ANKRD54: variants seen among roughly 807,000 people sequenced by gnomAD.
ANKRD54 encodes ankyrin repeat domain 54, also known as ankyrin repeat domain-containing protein 54.
A neutral mutation model predicts 36.2 loss-of-function variants in ANKRD54; 26 were observed. That is an observed-to-expected ratio of 0.72 (90% CI 0.53 to 1.00). The LOEUF (loss-of-function observed/expected upper bound fraction) is 1.00, where lower values mean the gene tolerates loss of function less well. ANKRD54 is among the 50% of genes least tolerant of loss of function. ANKRD54 has a pLI of 0.00. For missense variants in ANKRD54, 384 were observed against 424.3 expected, an observed-to-expected ratio of 0.91 and a Z score of 0.83; for synonymous variants, 209 against 188.4, an observed-to-expected ratio of 1.11 and a Z score of -0.89.
chr22:37,835,471 TA>T (rs1193762809), intron 3 of ANKRD54, among the ~76,000 whole-genome samples: 1 of 152,226 alleles, frequency 6.6e-6, no homozygotes, highest in Non-Finnish European at 1.5e-5. Flanking sequence ...TTATATTTGA[TA>T]AATGATTTCT....
At chr22:37,835,043 A>T (rs964758354) in intron 3 of ANKRD54, among the ~76,000 whole-genome samples, 5 of 151,766 alleles carry the variant, frequency 3.3e-5, no homozygotes, top group Admixed American at 6.6e-5. Flanking sequence ...TGGGTGACAG[A>T]GCGAGACTCT....
chr22:37,840,601 A>G (rs1468933672), intron 1 of ANKRD54, among the ~76,000 whole-genome samples: 1 of 149,932 alleles, frequency 6.7e-6, no homozygotes, highest in East Asian at 2.0e-4. Flanking sequence ...AAACACAGCC[A>G]TTGGCTGGGC....
At chr22:37,841,184 G>A (rs945619398) in intron 1 of ANKRD54, among the ~76,000 whole-genome samples, 1 of 151,702 alleles carries the variant, frequency 6.6e-6, no homozygotes, top group Non-Finnish European at 1.5e-5. Flanking sequence ...TTGAGGCCAG[G>A]AGTTCAAGAC....
chr22:37,844,333 C>A lies in ANKRD54; in HGVS notation c.-95G>T, dbSNP rs756196998. 2.1e-6 allele frequency: 3 copies of A among 1,411,814 alleles called. No homozygotes were observed. Among genetic ancestry groups the A allele is most frequent in the East Asian group, 5.4e-5 (2 of 37,046 alleles). The allele number at this position is 1,411,814 out of a possible 1,614,324, so 87.5% of individuals were successfully genotyped here. A position where few individuals can be genotyped will look rare whatever the true frequency, so the allele number is the denominator to read the frequency against. On this transcript the variant is annotated 5_prime_UTR_variant, in exon 1 of 8. Transcript: ENST00000215941. ...CGCCCTGAGTCGTGCTGTCAGCGAGCTGGCGGGCGGGCAGGGCCCGCAACC... is the reference window on the plus strand; with the variant it reads ...CGCCCTGAGTCGTGCTGTCAGCGAGATGGCGGGCGGGCAGGGCCCGCAACC...
chr22:37,836,636 A>G (rs1248454426), intron 3 of ANKRD54, among the ~76,000 whole-genome samples: 1 of 151,828 alleles, frequency 6.6e-6, no homozygotes, highest in African/African-American at 2.4e-5. Context: ...CTTAAAACCT[A>G]GATGACGGGT....
chr22:37,840,168 A>G lies in ANKRD54; in HGVS notation c.376+19T>C, dbSNP rs915616195. Reference sequence around the variant, plus strand: ...CCAGCCCATGGGACCCTGTAGCTGGACCTACTGTGCACACTCACCTGTTTC... The same window carrying G: ...CCAGCCCATGGGACCCTGTAGCTGGGCCTACTGTGCACACTCACCTGTTTC... On this transcript the variant is annotated intron_variant, in intron 2 of 7. Transcript: ENST00000215941. The G allele has an allele frequency of 1.9e-6, 3 of 1,613,996 alleles. No individual in the cohort carries two copies. The African/African-American group carries it at 4.0e-5, about 22-fold the overall frequency.
Position 37,833,960 on chromosome 22 carries a change from T to C in ANKRD54, c.476-205A>G, listed in dbSNP as rs1923218446. On this transcript the variant is annotated intron_variant, in intron 3 of 7. Transcript: ENST00000215941. ...CCCTGAGGGCCAGGAACTGAGGATT[T>C]GGGGAGGGCCTCTTGGCCTATGCAG... 4 of 567,078 alleles carry C rather than the reference T, an allele frequency of 7.1e-6. No individual in the cohort carries two copies. In the East Asian group the frequency reaches 1.1e-4, roughly 16 times the overall value. 35.1% of individuals were successfully genotyped at this position (567,078 alleles called of 1,614,324 possible).
chr22:37,843,990 G>C lies in ANKRD54; in HGVS notation c.249C>G (p.Arg83=), dbSNP rs1234907705. 7.0e-7 allele frequency: 1 copy of C among 1,425,034 alleles called. No individual in the cohort carries two copies. The highest frequency in any genetic ancestry group is 2.8e-5 in the Admixed American group (1 of 35,140). 88.3% of individuals were successfully genotyped at this position (1,425,034 alleles called of 1,614,324 possible). A position where few individuals can be genotyped will look rare whatever the true frequency, so the allele number is the denominator to read the frequency against. The change falls in exon 1 of 8, where the codon CGC becomes CGG. Residue 83 remains arginine, a synonymous_variant. Coordinates refer to ENST00000215941, the MANE Select transcript of ANKRD54 (RefSeq NM_138797.4). ...TCAGCCGGCCAGCGGGTATCTTGCA[G>C]CGCAGCTCGTCGCGCGGCTCCGCAT... is the stretch of plus-strand genomic sequence containing the variant. The part of the protein sequence containing the change: ...QQDAEPRDEL[R]CKIPAGRLRR...
chr22:37,835,142 C>T (rs943719933), intron 3 of ANKRD54, among the ~76,000 whole-genome samples: 2 of 152,120 alleles, frequency 1.3e-5, no homozygotes, highest in Non-Finnish European at 2.9e-5. Context: ...GCGGGTGGAT[C>T]ATCGGAGGTC....
In ANKRD54 at chr22:37,832,947, G is replaced by C; in HGVS notation, c.720+11C>G. On this transcript the variant is annotated intron_variant, in intron 6 of 7. Transcript: ENST00000215941. ...TTGGTGCCGTGGTCTCCACACAGAAGGGGTACTCACCTGCTTCACCTCCAG... is the reference window on the plus strand; with the variant it reads ...TTGGTGCCGTGGTCTCCACACAGAACGGGTACTCACCTGCTTCACCTCCAG... The C allele has an allele frequency of 6.2e-7, 1 of 1,613,120 alleles. No homozygotes were observed. Among genetic ancestry groups the C allele is most frequent in the Non-Finnish European group, 8.5e-7 (1 of 1,179,992 alleles).
rs755035634 is a variant in ANKRD54, at chr22:37,833,245, C to T, written c.548-39G>A. ...ACAGAGACTTAAGAATCCAGGACCA[C>T]CAGAGCCTGGCTCTGCGTGGCCACT... On this transcript the variant is annotated intron_variant, in intron 4 of 7. Transcript: ENST00000215941. 4 of 1,608,942 alleles carry T rather than the reference C, an allele frequency of 2.5e-6. No individual in the cohort carries two copies. The South Asian group carries it at 4.4e-5, about 18-fold the overall frequency.
intron 3 of ANKRD54, 200 bp from the exon 4 acceptor site, chr22:37,833,955 G>A (rs1661326600): frequency 1.8e-6 from 1 of 569,358 alleles, no homozygotes; most frequent in Non-Finnish European, 3.2e-6. Flanking sequence ...CAGGAACTGA[G>A]GATTTGGGGA....
chr22:37,845,731 T>A (rs1047131308), upstream of ANKRD54, among the ~76,000 whole-genome samples: 5 of 152,004 alleles, frequency 3.3e-5, no homozygotes, highest in Non-Finnish European at 5.9e-5. Flanking sequence ...TAGCTGGGTG[T>A]GGTGGCGCAC....
intron 1 of ANKRD54, among the ~76,000 whole-genome samples, chr22:37,842,575 C>A (rs963258959): frequency 2.6e-5 from 4 of 152,216 alleles, no homozygotes; most frequent in African/African-American, 4.8e-5. Context: ...AATGATTTGC[C>A]TAAATTTGGT....
At chr22:37,838,161 G>C (rs1923779150) in intron 3 of ANKRD54, among the ~76,000 whole-genome samples, 1 of 151,918 alleles carries the variant, frequency 6.6e-6, no homozygotes, top group African/African-American at 2.4e-5. Flanking sequence ...CCTATAAAAA[G>C]AGAAAAGCTG....
At chr22:37,839,946 C>T (rs185326331) in intron 2 of ANKRD54, among the ~76,000 whole-genome samples, 1 of 152,338 alleles carries the variant, frequency 6.6e-6, no homozygotes, top group Non-Finnish European at 1.5e-5. Flanking sequence ...ATCAAGGAGT[C>T]CACAGGGTGG....
chr22:37,843,701 C>T, intron 1 of ANKRD54: 1 of 303,638 alleles, frequency 3.3e-6, no homozygotes, highest in Non-Finnish European at 6.0e-6. Flanking sequence ...ACTGGGGTGA[C>T]TGGCTCAGAG....
At chr22:37,838,670 T>C in intron 2 of ANKRD54, 72 bp from the exon 3 acceptor site, 5 of 1,485,874 alleles carry the variant, frequency 3.4e-6, no homozygotes, top group Non-Finnish European at 4.5e-6. Flanking sequence ...ACCCGAGCGA[T>C]GGAGAGGGAG....
chr22:37,833,675 C>T lies in ANKRD54; in HGVS notation c.547+9G>A. ...AATGAGTTGTCTTAGTGACTTCTGACATGCTTACCCAGGTGCAGTGGCGTG... is the reference window on the plus strand; with the variant it reads ...AATGAGTTGTCTTAGTGACTTCTGATATGCTTACCCAGGTGCAGTGGCGTG... On this transcript the variant is annotated intron_variant, in intron 4 of 7. Coordinates refer to ENST00000215941, the MANE Select transcript of ANKRD54 (RefSeq NM_138797.4). 14 of 1,613,822 alleles carry T rather than the reference C, an allele frequency of 8.7e-6. No individual in the cohort carries two copies. Among genetic ancestry groups the T allele is most frequent in the Non-Finnish European group, 1.1e-5 (13 of 1,179,768 alleles).
Sources: allele counts gnomAD v4.1 joint callset (sites outside exome capture counted in the v4.1 genomes callset), GRCh38; gene constraint gnomAD v4.1.1; transcripts MANE v1.5; gene names NCBI Gene and HGNC (gene_info 2026-07-23, HGNC 2026-07-21).